KLRG1: variants seen among roughly 807,000 people sequenced by gnomAD.
KLRG1 encodes killer cell lectin like receptor G1, also known as killer cell lectin-like receptor subfamily G member 1.
KLRG1 carries 16 observed loss-of-function variants against 21.8 expected under a neutral mutation model. The observed-to-expected ratio is 0.73, with a 90% CI of 0.50 to 1.11. The LOEUF is 1.11. KLRG1 is among the 50% of genes most tolerant of loss of function. The pLI is 0.00. For missense variants in KLRG1, 173 were observed against 218.3 expected (o/e 0.79, Z 1.31); for synonymous variants, 69 against 75.9 (o/e 0.91, Z 0.47).
At chr12:9,110,222 G>A in the KLRG1 span, 1 of 1,195,928 alleles carries the variant, frequency 8.4e-7, no homozygotes, top group Non-Finnish European at 1.2e-6. Context: ...TTAATGACAA[G>A]TTTCTGAGAT....
chr12:9,150,882 T>C, the KLRG1 span: 2 of 648,188 alleles, frequency 3.1e-6, no homozygotes, highest in African/African-American at 3.7e-5. Flanking sequence ...GATGTCAAGA[T>C]GGGTTTTAGA....
the KLRG1 span, chr12:9,077,883 T>A: frequency 6.2e-7 from 1 of 1,613,904 alleles, no homozygotes; most frequent in Non-Finnish European, 8.5e-7. Flanking sequence ...GCAATCATGA[T>A]GTTTATGTTG....
chr12:9,159,095 T>C, the KLRG1 span, among the ~76,000 whole-genome samples: 1 of 152,172 alleles, frequency 6.6e-6, no homozygotes, highest in African/African-American at 2.4e-5. Context: ...TATCATCTAG[T>C]AGAAGGTAGT....
At chr12:8,995,845 G>T (rs1482506421) in intron 3 of KLRG1, among the ~76,000 whole-genome samples, 4 of 151,936 alleles carry the variant, frequency 2.6e-5, no homozygotes, top group African/African-American at 9.7e-5. Flanking sequence ...ACCATGCCTG[G>T]CTAATTTTTT....
chr12:9,102,531 T>C, the KLRG1 span, among the ~76,000 whole-genome samples: 7 of 152,280 alleles, frequency 4.6e-5, no homozygotes, highest in African/African-American at 1.7e-4. Context: ...TGACTATTTT[T>C]AATGCTCCCT....
In KLRG1 at chr12:8,989,708, C is replaced by G. The variant is rs770309023; in HGVS notation, c.73C>G (p.Gln25Glu). 4 of 1,599,558 alleles carry G rather than the reference C, an allele frequency of 2.5e-6. No homozygotes were observed. The Admixed American group carries it at 5.1e-5, about 20-fold the overall frequency. The change falls in exon 1 of 5, where the codon CAG becomes GAG. Residue 25 changes from glutamine to glutamate, a missense_variant. Gln to Glu is a conservative substitution (Grantham distance 29). Around this residue, in one of 3 missense-constraint regions of KLRG1, gnomAD observed 144 missense variants for 161.5 expected, o/e 0.89. Transcript: ENST00000356986. The part of the protein sequence containing the change: ...ATQAQNDYGP[Q>E]QKSSSSRPSC... Reference sequence around the variant, plus strand: ...CCAAGCCCAGAATGACTATGGACCACAGCAAAAATGTGAGTTAACCAAGGT... The same window carrying G: ...CCAAGCCCAGAATGACTATGGACCAGAGCAAAAATGTGAGTTAACCAAGGT...
the KLRG1 span, among the ~76,000 whole-genome samples, chr12:9,164,771 T>G: frequency 1.3e-5 from 2 of 152,160 alleles, no homozygotes; most frequent in African/African-American, 2.4e-5. Flanking sequence ...TAAATTAAAA[T>G]TATATATTTT....
At chr12:9,165,318 C>G in the KLRG1 span, 1 of 1,614,118 alleles carries the variant, frequency 6.2e-7, no homozygotes, top group South Asian at 1.1e-5. Flanking sequence ...GCCTTCCACT[C>G]GGTGATGGTG....
chr12:9,168,968 C>T, the KLRG1 span: 1 of 1,611,608 alleles, frequency 6.2e-7, no homozygotes. Flanking sequence ...ACCTTCAATC[C>T]CATCCCCTGG....
intron 1 of KLRG1, among the ~76,000 whole-genome samples, chr12:8,967,934 AGAAG>A (rs1199735403): frequency 3.3e-5 from 5 of 152,066 alleles, no homozygotes; most frequent in Admixed American, 2.0e-4. Flanking sequence ...CAGAAAGAAA[AGAAG>A]GAAGGAAGGG....
the KLRG1 span, among the ~76,000 whole-genome samples, chr12:9,129,107 C>T: frequency 6.6e-6 from 1 of 152,054 alleles, no homozygotes; most frequent in Non-Finnish European, 1.5e-5. Flanking sequence ...AAGAAATAAC[C>T]ATGTTTATTA....
the KLRG1 span, chr12:9,027,925 C>T: frequency 5.5e-5 from 48 of 877,902 alleles, no homozygotes; most frequent in Non-Finnish European, 8.8e-5. Context: ...CTAGATGAAG[C>T]GCTAGCTCTC....
the KLRG1 span, chr12:9,029,159 A>G: frequency 2.5e-5 from 7 of 282,384 alleles, no homozygotes; most frequent in Admixed American, 4.3e-5. Context: ...GGCAAAATCT[A>G]TTTTCTTAGC....
At chr12:9,106,915 C>G in the KLRG1 span, among the ~76,000 whole-genome samples, 1 of 151,966 alleles carries the variant, frequency 6.6e-6, no homozygotes, top group Non-Finnish European at 1.5e-5. Flanking sequence ...ATGGGGTACA[C>G]GAGATATTTT....
the KLRG1 span, among the ~76,000 whole-genome samples, chr12:9,120,852 CGTGTGT>C: frequency 2.4e-4 from 35 of 143,476 alleles, no homozygotes; most frequent in Middle Eastern, 3.6e-3. Context: ...ATCCCACTAA[CGTGTGT>C]GTGTGTGTGT....
rs1218938181 is a variant in KLRG1, at chr12:9,010,249, G to T, written c.*712G>T. ...GTGGGAAATGAGTGAGGGCAAGGTG[G>T]TACTTCCTCCTTCTGAGCTCTTCAC... On this transcript the variant is annotated 3_prime_UTR_variant, in exon 5 of 5. Coordinates refer to ENST00000356986, the MANE Select transcript of KLRG1 (RefSeq NM_005810.4). 1.4e-5 allele frequency: 7 copies of T among 488,778 alleles called. No homozygotes were observed. The highest frequency in any genetic ancestry group is 2.5e-5 in the Non-Finnish European group (7 of 275,258). 30.3% of individuals were successfully genotyped at this position (488,778 alleles called of 1,614,324 possible).
At chr12:9,077,789 A>T in the KLRG1 span, 18 of 1,614,188 alleles carry the variant, frequency 1.1e-5, no homozygotes, top group East Asian at 4.0e-4. Context: ...GGCTTGGGTA[A>T]TGTGTGCTTC....
chr12:9,192,023 G>C, the KLRG1 span, among the ~76,000 whole-genome samples: 1 of 152,162 alleles, frequency 6.6e-6, no homozygotes, highest in East Asian at 1.9e-4. Flanking sequence ...ACATTTATCT[G>C]TTGACTGTTG....
At chr12:9,076,206 A>G in the KLRG1 span, among the ~76,000 whole-genome samples, 1 of 152,230 alleles carries the variant, frequency 6.6e-6, no homozygotes, top group Non-Finnish European at 1.5e-5. Flanking sequence ...GGTTGGGCAT[A>G]TATTGAGAAC....
Sources: allele counts gnomAD v4.1 joint callset (sites outside exome capture counted in the v4.1 genomes callset), GRCh38; gene constraint gnomAD v4.1.1; regional missense constraint gnomAD v4.1.1; transcripts MANE v1.5; gene names NCBI Gene and HGNC (gene_info 2026-07-23, HGNC 2026-07-21).